The following CRB1 variants were observed in gnomAD, a reference collection of about 807,000 sequenced individuals.
The protein encoded by CRB1 is crumbs cell polarity complex component 1.
Under a neutral mutation model 120.0 loss-of-function variants are expected in CRB1, and 83 were observed. The observed-to-expected ratio is 0.69, with a 90% CI of 0.58 to 0.83. The LOEUF is 0.83. CRB1 is among the 40% of genes least tolerant of loss of function. The probability of loss-of-function intolerance (pLI) is 0.00; values close to 1 mark genes in which losing one functional copy is unlikely to be tolerated. For missense variants in CRB1, 1,699 were observed against 1,687.6 expected (o/e 1.01, Z -0.12); for synonymous variants, 625 against 612.5 (o/e 1.02, Z -0.30).
chr1:197,296,719 G>A (rs1183669091), intron 1 of CRB1, among the ~76,000 whole-genome samples: 1 of 151,996 alleles, frequency 6.6e-6, no homozygotes, highest in South Asian at 2.1e-4. Flanking sequence ...TGTCGGAGGG[G>A]CCTGGTGGGA....
chr1:197,372,350 T>C (rs1661414138), intron 5 of CRB1, among the ~76,000 whole-genome samples: 1 of 152,158 alleles, frequency 6.6e-6, no homozygotes, highest in South Asian at 2.1e-4. Flanking sequence ...ATCTTTGATG[T>C]CATTACCAAT....
chr1:197,448,245 A>AT (rs1001077022), intron 11 of CRB1, among the ~76,000 whole-genome samples: 6 of 151,862 alleles, frequency 4.0e-5, no homozygotes, highest in African/African-American at 9.7e-5. Flanking sequence ...GTGGTTTGTT[A>AT]TTTTTTTATG....
intron 5 of CRB1, among the ~76,000 whole-genome samples, chr1:197,377,047 C>A (rs1558092962): frequency 6.6e-6 from 1 of 152,044 alleles, no homozygotes; most frequent in Non-Finnish European, 1.5e-5. Context: ...TCTTTTAAAT[C>A]TTTATTCAAA....
At chr1:197,401,947 ATG>A (rs1304667886) in intron 5 of CRB1, among the ~76,000 whole-genome samples, 19 of 151,602 alleles carry the variant, frequency 1.3e-4, no homozygotes, top group African/African-American at 4.6e-4. Flanking sequence ...GTTTATTTTT[ATG>A]TCTTTTAAAA....
chr1:197,383,839 A>G (rs2759656), intron 5 of CRB1, among the ~76,000 whole-genome samples: 119,306 of 152,116 alleles, frequency 0.78, 46,860 homozygotes, highest in Middle Eastern at 0.86. Flanking sequence ...GAACTATACC[A>G]TTTAGTGTAA....
chr1:197,204,384 ACATTCC>A, the CRB1 span, among the ~76,000 whole-genome samples: 1 of 152,242 alleles, frequency 6.6e-6, no homozygotes, highest in Non-Finnish European at 1.5e-5. Context: ...GTACTAGTTC[ACATTCC>A]CACCAGTAGT....
intron 1 of CRB1, among the ~76,000 whole-genome samples, chr1:197,284,848 T>TG (rs1655733121): frequency 6.6e-6 from 1 of 151,992 alleles, no homozygotes; most frequent in Non-Finnish European, 1.5e-5. Flanking sequence ...ACTGCTTGGT[T>TG]GTAATATCTT....
intron 5 of CRB1, among the ~76,000 whole-genome samples, chr1:197,376,143 A>C (rs1348070453): frequency 2.6e-5 from 4 of 152,046 alleles, no homozygotes; most frequent in Admixed American, 2.6e-4. Context: ...CTAGACTCTA[A>C]ATGCTGGAGT....
rs533882653 is a variant in CRB1, at chr1:197,435,334, C to T, written c.3471C>T (p.Ile1157=). 80 of 1,613,754 alleles carry T rather than the reference C, an allele frequency of 5.0e-5. 2 individuals are homozygous for T. The South Asian group carries it at 6.9e-4, about 14-fold the overall frequency. ...PCLHGGNCED[I]YSSYHCSCPL... The stretch of plus-strand genomic sequence containing the variant: ...TGCATGGAGGAAACTGTGAAGACAT[C>T]TATAGCTCTTATCATTGCTCCTGTC... Residue 1157 remains isoleucine (I), a synonymous_variant, in exon 9 of 12, where the codon ATC becomes ATT. Transcript: ENST00000367400.
At position 197,420,985 on chromosome 1, in the gene CRB1, T is replaced by A. The variant is rs375141011; in HGVS notation, c.1172-15T>A. 7.0e-5 allele frequency: 102 copies of A among 1,449,530 alleles called. No individual in the cohort carries two copies. Among genetic ancestry groups the A allele is most frequent in the Middle Eastern group, 1.7e-4 (1 of 5,748 alleles). The allele number at this position is 1,449,530 out of a possible 1,614,324, so 89.8% of individuals were successfully genotyped here. A position where few individuals can be genotyped will look rare whatever the true frequency, so the allele number is the denominator to read the frequency against. ...TGAATATATATAATTTTAGCCCTTT[T>A]TTATTATTTAACAGGAATCCACTGC... On this transcript the variant is annotated splice_polypyrimidine_tract_variant and intron_variant, in intron 5 of 11. Transcript: ENST00000367400.
In CRB1 at chr1:197,435,317, G is replaced by A. The variant is rs1665096880; in HGVS notation, c.3454G>A (p.Gly1152Arg). 1 of 1,613,794 alleles carries A rather than the reference G, an allele frequency of 6.2e-7. No individual in the cohort carries two copies. The highest frequency in any genetic ancestry group is 1.1e-5 in the South Asian group (1 of 91,072). ...CAACTCCAACCCCTGTTTGCATGGA[G>A]GAAACTGTGAAGACATCTATAGCTC... Reference protein sequence around the residue: ...VCNSNPCLHGGNCEDIYSSYH... With the variant: ...VCNSNPCLHGRNCEDIYSSYH... The change falls in exon 9 of 12, where the codon GGA (glycine) becomes AGA (arginine). Residue 1152 changes from glycine (G) to arginine (R), a missense_variant. Physicochemically the swap from Gly to Arg is moderately radical, Grantham distance 125. Coordinates refer to ENST00000367400, the MANE Select transcript of CRB1 (RefSeq NM_201253.3).
intron 1 of CRB1, among the ~76,000 whole-genome samples, chr1:197,323,661 A>G (rs536275046): frequency 6.6e-6 from 1 of 152,326 alleles, no homozygotes; most frequent in Admixed American, 6.5e-5. Context: ...AGTAAAAATG[A>G]CCTTCACAAC....
chr1:197,238,522 G>A, the CRB1 span, among the ~76,000 whole-genome samples: 1 of 151,890 alleles, frequency 6.6e-6, no homozygotes, highest in East Asian at 1.9e-4. Flanking sequence ...TTAAGTACAT[G>A]ATTGTATATG....
intron 11 of CRB1, among the ~76,000 whole-genome samples, chr1:197,469,694 C>T (rs978214496): frequency 3.9e-5 from 6 of 152,112 alleles, no homozygotes; most frequent in Non-Finnish European, 5.9e-5. Context: ...ATAGGCCAAG[C>T]TAATGTCCAG....
chr1:197,478,063 A>G lies in CRB1; in HGVS notation c.*184A>G. The G allele has an allele frequency of 1.5e-6, 1 of 655,560 alleles. No individual in the cohort carries two copies. The highest frequency in any genetic ancestry group is 2.7e-6 in the Non-Finnish European group (1 of 376,848). The allele number at this position is 655,560 out of a possible 1,614,324, so 40.6% of individuals were successfully genotyped here. Reference sequence around the variant, plus strand: ...TTCCGCTCGACACCATTGTTTTATTATATTATATCAGCCAATTGCAAAAAA... The same window carrying G: ...TTCCGCTCGACACCATTGTTTTATTGTATTATATCAGCCAATTGCAAAAAA... On this transcript the variant is annotated 3_prime_UTR_variant, in exon 12 of 12. Transcript: ENST00000367400.
chr1:197,245,115 G>T, the CRB1 span, among the ~76,000 whole-genome samples: 1 of 151,840 alleles, frequency 6.6e-6, no homozygotes, highest in Non-Finnish European at 1.5e-5. Context: ...CAACGTGCAG[G>T]CTTGTTACGT....
chr1:197,328,541 G>C lies in CRB1; in HGVS notation c.190G>C (p.Asp64His), dbSNP rs779941462. ...TTGTTCAGACACAGCCAATAATTTG[G>C]ACAAAGACTGTGACAACATGAAAGA... ...CSCSDTANNLDKDCDNMKDPC... is the reference protein window; with the variant it reads ...CSCSDTANNLHKDCDNMKDPC... The change falls in exon 2 of 12, where the codon GAC becomes CAC. Residue 64 changes from aspartate to histidine, a missense_variant. Transcript: ENST00000367400. 1 of 1,614,124 alleles carries C rather than the reference G, an allele frequency of 6.2e-7. No individual in the cohort carries two copies. Among genetic ancestry groups the C allele is most frequent in the South Asian group, 1.1e-5 (1 of 91,082 alleles).
the CRB1 span, among the ~76,000 whole-genome samples, chr1:197,242,808 T>G: frequency 6.6e-6 from 1 of 151,944 alleles, no homozygotes; most frequent in Non-Finnish European, 1.5e-5. Context: ...GTTCCTGCGC[T>G]TTTTTTGGTT....
chr1:197,380,313 A>G (rs187079934), intron 5 of CRB1, among the ~76,000 whole-genome samples: 1 of 152,328 alleles, frequency 6.6e-6, no homozygotes, highest in Non-Finnish European at 1.5e-5. Context: ...CCAAACTCCA[A>G]CACAATTCAT....
Sources: allele counts gnomAD v4.1 joint callset (sites outside exome capture counted in the v4.1 genomes callset), GRCh38; gene constraint gnomAD v4.1.1; transcripts MANE v1.5; gene names NCBI Gene and HGNC (gene_info 2026-07-23, HGNC 2026-07-21).